Variants in CNOT4 observed in about 807,000 individuals in gnomAD.
CNOT4 encodes the protein CCR4-associated factor 4.
Under a neutral mutation model 73.8 loss-of-function variants are expected in CNOT4, and 8 were observed. That is an observed-to-expected ratio of 0.11 (90% CI 0.06 to 0.20). The LOEUF (loss-of-function observed/expected upper bound fraction) is 0.20. Ranked by LOEUF, CNOT4 falls within the 10% of genes least tolerant of loss-of-function variation. The probability of loss-of-function intolerance (pLI) is 1.00; values close to 1 mark genes in which losing one functional copy is unlikely to be tolerated. For synonymous variants in CNOT4, 293 were observed against 321.1 expected (o/e 0.91, Z 0.94); for missense variants, 564 against 883.4 (o/e 0.64, Z 4.58).
intron 1 of CNOT4, among the ~76,000 whole-genome samples, chr7:135,454,212 G>A (rs572419941): frequency 6.6e-6 from 1 of 151,874 alleles, no homozygotes; most frequent in South Asian, 2.1e-4. Flanking sequence ...AATGGTAACC[G>A]TTTTACACCA....
intron 6 of CNOT4, among the ~76,000 whole-genome samples, chr7:135,412,851 G>A (rs552457781): frequency 2.6e-5 from 4 of 151,816 alleles, no homozygotes; most frequent in Non-Finnish European, 5.9e-5. Flanking sequence ...TATGTCGTAT[G>A]GTCAACATTT....
chr7:135,444,801 G>A (rs1454955751), intron 1 of CNOT4: 6 of 1,601,398 alleles, frequency 3.7e-6, no homozygotes, highest in African/African-American at 2.7e-5. Flanking sequence ...CTATGTTCAT[G>A]GGGATGCCTC....
intron 3 of CNOT4, among the ~76,000 whole-genome samples, chr7:135,420,697 T>C (rs528295359): frequency 6.6e-6 from 1 of 151,058 alleles, no homozygotes; most frequent in South Asian, 2.1e-4. Context: ...AGAAAAAAGG[T>C]AGCTCACACC....
intron 1 of CNOT4, among the ~76,000 whole-genome samples, chr7:135,442,006 A>C (rs1585648567): frequency 1.3e-5 from 2 of 152,186 alleles, no homozygotes; most frequent in African/African-American, 4.8e-5. Context: ...GGGTAGTCTG[A>C]TGTGGTAGAA....
intron 3 of CNOT4, among the ~76,000 whole-genome samples, 186 bp from the exon 4 acceptor site, chr7:135,415,448 A>C (rs1017170006): frequency 2.0e-5 from 3 of 152,092 alleles, no homozygotes; most frequent in Admixed American, 2.0e-4. Flanking sequence ...AAAGAGTTTA[A>C]AAGCTATTTT....
intron 2 of CNOT4, among the ~76,000 whole-genome samples, chr7:135,431,090 C>A (rs1798804217): frequency 6.6e-6 from 1 of 152,040 alleles, no homozygotes; most frequent in Non-Finnish European, 1.5e-5. Flanking sequence ...CACAGCGAGA[C>A]CTTTACAAAA....
rs1331011783 is a variant in CNOT4, at chr7:135,372,815, A to ACCC, written c.1628-8750_1628-8749insGGG. Reference sequence around the variant, plus strand: ...CGTGATCCACCAGCCTCAGCCTCCCAAAGTGCTGGGATTACAGGCGTGAGC... The same window carrying ACCC: ...CGTGATCCACCAGCCTCAGCCTCCCACCCAAGTGCTGGGATTACAGGCGTGAGC... On this transcript the variant is annotated intron_variant, in intron 10 of 11. Coordinates refer to ENST00000541284, the MANE Select transcript of CNOT4 (RefSeq NM_001190850.2). Among the ~76,000 whole-genome samples the ACCC allele has an allele frequency of 2.6e-5, 4 of 152,258 alleles. No homozygotes were observed. The East Asian group carries it at 7.7e-4, about 29-fold the overall frequency.
At chr7:135,502,386 T>G (rs1804037881) in intron 1 of CNOT4, among the ~76,000 whole-genome samples, 1 of 152,218 alleles carries the variant, frequency 6.6e-6, no homozygotes, top group Non-Finnish European at 1.5e-5. Flanking sequence ...ATACTACATG[T>G]AGCACACATT....
At position 135,469,102 on chromosome 7, in the gene CNOT4, T is replaced by A. The variant is rs142993875; in HGVS notation, c.-92-30679A>T. On this transcript the variant is annotated intron_variant, in intron 1 of 11. Transcript: ENST00000541284. Reference sequence around the variant, plus strand: ...GAGGATAGATAATTATTGATGATGATAAACGGAAGAGCAGGAGGTTTCAAG... The same window carrying A: ...GAGGATAGATAATTATTGATGATGAAAAACGGAAGAGCAGGAGGTTTCAAG... Among the ~76,000 whole-genome samples, 682 of 152,226 alleles carry A rather than the reference T, an allele frequency of 4.5e-3. 10 individuals are homozygous for A. Among genetic ancestry groups the A allele is most frequent in the African/African-American group, 0.016 (656 of 41,532 alleles).
At chr7:135,445,910 T>G (rs923083139) in intron 1 of CNOT4, among the ~76,000 whole-genome samples, 1 of 152,164 alleles carries the variant, frequency 6.6e-6, no homozygotes, top group Non-Finnish European at 1.5e-5. Flanking sequence ...TCTCACTCTC[T>G]CACCCAGGCT....
At chr7:135,473,982 G>T (rs1357699729) in intron 1 of CNOT4, among the ~76,000 whole-genome samples, 70 of 140,364 alleles carry the variant, frequency 5.0e-4, no homozygotes, top group Non-Finnish European at 7.1e-4. Context: ...TCTTTTTGTG[G>T]TTTTTTTTTT....
intron 1 of CNOT4, among the ~76,000 whole-genome samples, chr7:135,503,055 A>G (rs1309630165): frequency 6.6e-6 from 1 of 152,020 alleles, no homozygotes; most frequent in Admixed American, 6.6e-5. Flanking sequence ...TGGGAGACTG[A>G]GGCAGGAGAA....
At chr7:135,473,155 G>C (rs1344978338) in intron 1 of CNOT4, among the ~76,000 whole-genome samples, 1 of 152,140 alleles carries the variant, frequency 6.6e-6, no homozygotes, top group Non-Finnish European at 1.5e-5. Flanking sequence ...GTTTGAATAA[G>C]AGTCCTGAAA....
At chr7:135,460,798 T>TTA (rs1213921597) in intron 1 of CNOT4, among the ~76,000 whole-genome samples, 2 of 152,184 alleles carry the variant, frequency 1.3e-5, no homozygotes, top group African/African-American at 4.8e-5. Flanking sequence ...ATGAAGCACT[T>TTA]ATTAAAGCAG....
At chr7:135,395,173 A>G (rs1303187271) in intron 9 of CNOT4, among the ~76,000 whole-genome samples, 1 of 152,102 alleles carries the variant, frequency 6.6e-6, no homozygotes, top group Non-Finnish European at 1.5e-5. Flanking sequence ...GGATCACTTG[A>G]GGCCAGGAGT....
At position 135,394,031 on chromosome 7, in the gene CNOT4, C is replaced by T. The variant is rs777344165; in HGVS notation, c.1514G>A (p.Arg505His). 1.6e-5 allele frequency: 26 copies of T among 1,614,110 alleles called. No individual in the cohort carries two copies. Among genetic ancestry groups the T allele is most frequent in the South Asian group, 2.2e-5 (2 of 91,078 alleles). Residue 505 changes from arginine (R) to histidine (H), a missense_variant, in exon 10 of 12, where the codon CGC (arginine) becomes CAC (histidine). Around this residue, in one of 10 missense-constraint regions of CNOT4, gnomAD observed 153 missense variants for 158.7 expected, o/e 0.96. Transcript: ENST00000541284. ...AARYPWMAFP[R>H]NSIMHLNHTA... ...GTGGTTCAAGTGCATGATGCTATTG[C>T]GTGGAAAGGCCATCCAAGGATAGCG...
At chr7:135,378,076 G>T (rs912804086) in intron 10 of CNOT4, among the ~76,000 whole-genome samples, 1 of 152,114 alleles carries the variant, frequency 6.6e-6, no homozygotes, top group African/African-American at 2.4e-5. Flanking sequence ...AGAAGTTGGG[G>T]GAACTGAGTA....
At chr7:135,371,891 T>C (rs1795222158) in intron 10 of CNOT4, among the ~76,000 whole-genome samples, 1 of 152,148 alleles carries the variant, frequency 6.6e-6, no homozygotes, top group Admixed American at 6.6e-5. Flanking sequence ...AAAAGATTCA[T>C]ATAAAAGATC....
rs914868417 is a variant in CNOT4, at chr7:135,423,486, C to A, written c.175-1133G>T. The stretch of plus-strand genomic sequence containing the variant: ...ATATAAGCGTTAAAAAAAAAAAAAA[C>A]CTCTCAAATTTGTGAACATACCCAG... On this transcript the variant is annotated intron_variant, in intron 2 of 11. Transcript: ENST00000541284. 2.0e-5 allele frequency among the ~76,000 whole-genome samples: 3 copies of A among 148,670 alleles called. No homozygotes were observed. In the South Asian group the frequency reaches 6.3e-4, roughly 31 times the overall value.
Sources: gnomAD v4.1 joint callset for allele counts (sites outside exome capture counted in the v4.1 genomes callset) on GRCh38, gnomAD v4.1.1 for gene constraint, gnomAD v4.1.1 regional missense constraint, MANE v1.5 for transcripts, NCBI Gene and HGNC (gene_info 2026-07-23, HGNC 2026-07-21) for gene names.